XPO6: variants seen among roughly 807,000 people sequenced by gnomAD.
The protein encoded by XPO6 is exportin 6, also known as exportin-6.
Under a neutral mutation model 130.0 loss-of-function variants are expected in XPO6, and 3 were observed. The ratio of observed to expected loss-of-function variants is 0.02; its 90% confidence interval spans 0.01 to 0.06. The LOEUF (loss-of-function observed/expected upper bound fraction) is 0.06, where lower values mean the gene tolerates loss of function less well. Among genes scored for constraint, XPO6 ranks in the 10% least tolerant of loss-of-function variants. The probability of loss-of-function intolerance (pLI) is 1.00; values close to 1 mark genes in which losing one functional copy is unlikely to be tolerated. For missense variants in XPO6, 970 were observed against 1,393.0 expected, an observed-to-expected ratio of 0.70 and a Z score of 4.83; for synonymous variants, 524 against 548.9, an observed-to-expected ratio of 0.95 and a Z score of 0.63.
At chr16:28,117,563 G>A in intron 14 of XPO6, 101 bp from the exon 15 acceptor site, 2 of 1,391,922 alleles carry the variant, frequency 1.4e-6, no homozygotes, top group Admixed American at 2.0e-5. Context: ...CACTGCATTT[G>A]CTGTTCTAAG....
At chr16:28,181,869 T>C (rs1243882518) in intron 1 of XPO6, among the ~76,000 whole-genome samples, 1 of 152,110 alleles carries the variant, frequency 6.6e-6, no homozygotes, top group Non-Finnish European at 1.5e-5. Flanking sequence ...AGGTTGGAAA[T>C]GAGAGGAGAG....
chr16:28,151,756 G>A lies in XPO6; in HGVS notation c.1224+903C>T, dbSNP rs184326987. ...ATTTTAAAAACACACAGCTGGGCAC[G>A]GTAGCTCACGCCTGTAACACTGGCA... On this transcript the variant is annotated intron_variant, in intron 8 of 23. Coordinates refer to ENST00000304658, the MANE Select transcript of XPO6 (RefSeq NM_015171.4). Among the ~76,000 whole-genome samples the A allele has an allele frequency of 7.9e-5, 12 of 152,256 alleles. No individual in the cohort carries two copies. In the South Asian group the frequency reaches 8.3e-4, roughly 11 times the overall value.
At chr16:28,123,928 A>G (rs973899482) in intron 13 of XPO6, among the ~76,000 whole-genome samples, 9 of 152,260 alleles carry the variant, frequency 5.9e-5, no homozygotes, top group Admixed American at 2.0e-4. Context: ...AAGACAAAAT[A>G]TTAATAACAA....
rs138219018 is a variant in XPO6 at position 28,206,139 on chromosome 16, T to TACACACACAC, written c.3+5217_3+5226dup. ...AAGATGCCTGGCATATAGAAAGCAA[T>TACACACACAC]ACACACACACACACACACACACACA... On this transcript the variant is annotated intron_variant, in intron 1 of 23. Transcript: ENST00000304658. Among the ~76,000 whole-genome samples, 87 of 142,844 alleles carry TACACACACAC rather than the reference T, an allele frequency of 6.1e-4. No individual in the cohort carries two copies. The East Asian group carries it at 6.3e-3, about 10-fold the overall frequency. The allele number at this position is 142,844 out of a possible 152,430, so 93.7% of individuals were successfully genotyped here.
intron 13 of XPO6, among the ~76,000 whole-genome samples, 189 bp downstream of exon 13, chr16:28,125,500 A>C (rs2087374553): frequency 6.6e-6 from 1 of 152,180 alleles, no homozygotes; most frequent in Admixed American, 6.5e-5. Context: ...CATCTACTTC[A>C]TATTGTAAAT....
chr16:28,158,004 C>T (rs767196143), intron 6 of XPO6, among the ~76,000 whole-genome samples: 4 of 152,198 alleles, frequency 2.6e-5, no homozygotes, highest in Non-Finnish European at 5.9e-5. Context: ...ATAGGGAATG[C>T]AGAGTCAGGT....
intron 1 of XPO6, among the ~76,000 whole-genome samples, chr16:28,193,193 G>A (rs1247173215): frequency 3.3e-5 from 5 of 152,104 alleles, no homozygotes; most frequent in Non-Finnish European, 2.9e-5. Flanking sequence ...TTCCTCAAAG[G>A]CTCTCAAAAT....
intron 1 of XPO6, among the ~76,000 whole-genome samples, chr16:28,183,758 C>T (rs1483962914): frequency 6.6e-6 from 1 of 152,078 alleles, no homozygotes; most frequent in Non-Finnish European, 1.5e-5. Context: ...GTGGTCAGGC[C>T]TACTTTGAAA....
chr16:28,205,104 G>C (rs1046674118), intron 1 of XPO6, among the ~76,000 whole-genome samples: 2 of 152,020 alleles, frequency 1.3e-5, no homozygotes, highest in African/African-American at 4.8e-5. Flanking sequence ...TAGAGACCAA[G>C]TACAGGCCAC....
intron 17 of XPO6, chr16:28,111,543 C>T (rs959181790): frequency 1.4e-5 from 5 of 360,194 alleles, no homozygotes; most frequent in South Asian, 4.2e-5. Flanking sequence ...GCACCATCAC[C>T]AGTGTCTTCC....
intron 12 of XPO6, among the ~76,000 whole-genome samples, chr16:28,131,331 A>G (rs2042664760): frequency 6.6e-6 from 1 of 152,172 alleles, no homozygotes; most frequent in Non-Finnish European, 1.5e-5. Flanking sequence ...CTCTGCCATG[A>G]ATCACAAGCT....
intron 11 of XPO6, 84 bp downstream of exon 11, chr16:28,133,757 G>T: frequency 1.6e-6 from 2 of 1,234,882 alleles, no homozygotes; most frequent in Non-Finnish European, 2.3e-6. Flanking sequence ...AGGGGAGAGA[G>T]AGAGAGATCC....
chr16:28,155,357 C>T (rs965762413), intron 7 of XPO6, among the ~76,000 whole-genome samples: 1 of 151,946 alleles, frequency 6.6e-6, no homozygotes, highest in Non-Finnish European at 1.5e-5. Context: ...TTTCATACAG[C>T]AGCAGTTGTA....
At chr16:28,123,654 A>C (rs1476885341) in intron 13 of XPO6, among the ~76,000 whole-genome samples, 1 of 152,208 alleles carries the variant, frequency 6.6e-6, no homozygotes, top group Non-Finnish European at 1.5e-5. Flanking sequence ...TGAGGGCAAA[A>C]GAACTAAGGT....
chr16:28,129,818 A>T (rs1196503025), intron 12 of XPO6, among the ~76,000 whole-genome samples: 1 of 152,250 alleles, frequency 6.6e-6, no homozygotes, highest in Non-Finnish European at 1.5e-5. Flanking sequence ...GGGTAACCAG[A>T]AAAGTTAAAG....
chr16:28,180,526 G>A (rs779970851), intron 2 of XPO6, among the ~76,000 whole-genome samples: 5 of 152,080 alleles, frequency 3.3e-5, no homozygotes, highest in Non-Finnish European at 7.4e-5. Flanking sequence ...TTCCTGAGTT[G>A]TTACTGTTTC....
intron 21 of XPO6, among the ~76,000 whole-genome samples, chr16:28,102,855 C>G (rs8057426): frequency 0.93 from 141,064 of 152,232 alleles, 66,271 homozygotes; most frequent in East Asian, 1. Context: ...TGGGGGCAGT[C>G]GGGGAGGCCG....
chr16:28,209,215 T>G (rs1169754120), intron 1 of XPO6: 2 of 152,100 alleles, frequency 1.3e-5, no homozygotes, highest in African/African-American at 4.8e-5. Context: ...GAAAAAACCT[T>G]TGGAGATATA....
At chr16:28,187,022 G>C (rs2043706393) in intron 1 of XPO6, among the ~76,000 whole-genome samples, 1 of 152,176 alleles carries the variant, frequency 6.6e-6, no homozygotes, top group African/African-American at 2.4e-5. Context: ...ACATCCTGTA[G>C]TCCTGGCGTA....
Sources: allele counts gnomAD v4.1 joint callset (sites outside exome capture counted in the v4.1 genomes callset), GRCh38; gene constraint gnomAD v4.1.1; transcripts MANE v1.5; gene names NCBI Gene and HGNC (gene_info 2026-07-23, HGNC 2026-07-21).